The following RPTOR variants were observed in gnomAD, a reference collection of about 807,000 sequenced individuals.
The protein encoded by RPTOR is regulatory associated protein of MTOR complex 1.
Under a neutral mutation model 169.9 loss-of-function variants are expected in RPTOR, and 21 were observed. The ratio of observed to expected loss-of-function variants is 0.12; its 90% CI spans 0.09 to 0.18. RPTOR has a LOEUF of 0.18. Ranked by LOEUF, RPTOR falls within the 10% of genes least tolerant of loss-of-function variation. The pLI, the probability that RPTOR is intolerant of heterozygous loss-of-function variation, is 1.00. For missense variants in RPTOR, 1,133 were observed against 1,855.9 expected (o/e 0.61, Z 7.16); for synonymous variants, 732 against 753.2 (o/e 0.97, Z 0.46).
chr17:80,730,768 GTTT>G lies in RPTOR; in HGVS notation c.654+63_654+65del. On this transcript the variant is annotated intron_variant, in intron 5 of 33. Transcript: ENST00000306801. This position sits in a 1 kb window ranked among gnomAD's most constrained non-coding sequence, Gnocchi z 4.2. ...TGGTTTTGTTTTCCCTGGGGGTGGG[GTTT>G]GGGTGGGGAGGTTGGGAGGTGTTGG... 164 of 555,140 alleles carry G rather than the reference GTTT, an allele frequency of 3.0e-4. No homozygotes were observed. Among genetic ancestry groups the G allele is most frequent in the Non-Finnish European group, 5.0e-4 (152 of 302,568 alleles). The allele number at this position is 555,140 out of a possible 1,614,324, so 34.4% of individuals were successfully genotyped here.
chr17:80,565,240 A>G (rs1355331731), intron 1 of RPTOR, among the ~76,000 whole-genome samples: 11 of 152,242 alleles, frequency 7.2e-5, no homozygotes, highest in African/African-American at 2.4e-4. Context: ...AGATAATACT[A>G]GGAAGTGTCT....
At chr17:80,712,393 A>G (rs1364136347) in intron 4 of RPTOR, among the ~76,000 whole-genome samples, 1 of 152,128 alleles carries the variant, frequency 6.6e-6, no homozygotes, top group Non-Finnish European at 1.5e-5. Context: ...GGTCTTTTCC[A>G]GAATGTCCTA....
At chr17:80,598,915 T>C (rs1312080414) in intron 1 of RPTOR, among the ~76,000 whole-genome samples, 1 of 151,660 alleles carries the variant, frequency 6.6e-6, no homozygotes, top group Non-Finnish European at 1.5e-5. Context: ...TATCTATCTA[T>C]CTATCTATCT....
At chr17:80,657,534 T>C (rs2065689359) in intron 3 of RPTOR, among the ~76,000 whole-genome samples, 1 of 152,172 alleles carries the variant, frequency 6.6e-6, no homozygotes, top group Non-Finnish European at 1.5e-5. Context: ...ATATGTTGCT[T>C]TCATATTCCC....
intron 13 of RPTOR, among the ~76,000 whole-genome samples, chr17:80,863,091 G>T (rs572921728): frequency 3.9e-5 from 6 of 152,330 alleles, no homozygotes; most frequent in Non-Finnish European, 7.3e-5. Context: ...CCTTAAAGAA[G>T]GTGGGCTCGG....
chr17:80,561,206 G>C (rs1458112474), intron 1 of RPTOR, among the ~76,000 whole-genome samples: 1 of 141,292 alleles, frequency 7.1e-6, no homozygotes, highest in Non-Finnish European at 1.5e-5. Flanking sequence ...GAGTAGCTAT[G>C]ATTACAGGCA....
At chr17:80,670,492 C>T (rs1027644913) in intron 3 of RPTOR, among the ~76,000 whole-genome samples, 1 of 152,168 alleles carries the variant, frequency 6.6e-6, no homozygotes, top group African/African-American at 2.4e-5. Flanking sequence ...CCCGCTGCTT[C>T]GTCTTTTTCT....
At chr17:80,855,039 A>T (rs561984855) in intron 11 of RPTOR, among the ~76,000 whole-genome samples, 2 of 152,370 alleles carry the variant, frequency 1.3e-5, no homozygotes, top group South Asian at 4.1e-4. Flanking sequence ...GTCAGTACAT[A>T]CCTACTGATA....
At chr17:80,627,090 A>G (rs1329963113) in intron 2 of RPTOR, among the ~76,000 whole-genome samples, 1 of 152,122 alleles carries the variant, frequency 6.6e-6, no homozygotes, top group African/African-American at 2.4e-5. Context: ...AATGCCCCCA[A>G]AGTTCATCCA....
At chr17:80,618,115 G>C (rs2065326502) in intron 1 of RPTOR, among the ~76,000 whole-genome samples, 1 of 151,968 alleles carries the variant, frequency 6.6e-6, no homozygotes, top group East Asian at 1.9e-4. Context: ...CGAGTAGCTG[G>C]GACCATAAGT....
chr17:80,634,515 G>A (rs1466739574), intron 2 of RPTOR, among the ~76,000 whole-genome samples: 10 of 148,232 alleles, frequency 6.7e-5, no homozygotes, highest in African/African-American at 2.0e-4. Flanking sequence ...TACTGTGTGT[G>A]TGTGCGTACT....
At chr17:80,752,593 A>G (rs1259939928) in intron 5 of RPTOR, among the ~76,000 whole-genome samples, 1 of 152,136 alleles carries the variant, frequency 6.6e-6, no homozygotes, top group African/African-American at 2.4e-5. Context: ...CGACAGCAAA[A>G]CCTCTTGTGG....
intron 13 of RPTOR, among the ~76,000 whole-genome samples, chr17:80,876,221 G>A (rs71373046): frequency 1.0e-4 from 8 of 79,586 alleles, no homozygotes; most frequent in African/African-American, 1.8e-4. Flanking sequence ...CCCGTGCCAC[G>A]CAGGGTGTGT....
chr17:80,791,331 C>T (rs970209853), intron 6 of RPTOR, 119 bp from the exon 7 acceptor site: 9 of 741,212 alleles, frequency 1.2e-5, no homozygotes, highest in African/African-American at 1.1e-4. Flanking sequence ...TCTGAGTGTA[C>T]TTGTTCACCG....
chr17:80,937,798 G>A (rs2068972624), intron 24 of RPTOR, among the ~76,000 whole-genome samples: 2 of 152,198 alleles, frequency 1.3e-5, no homozygotes, highest in Non-Finnish European at 2.9e-5. Context: ...TAGTTTCCCA[G>A]GGTGGGTGCC....
At chr17:80,837,735 T>A (rs993618943) in intron 9 of RPTOR, among the ~76,000 whole-genome samples, 187 bp from the exon 10 acceptor site, 1 of 152,190 alleles carries the variant, frequency 6.6e-6, no homozygotes, top group African/African-American at 2.4e-5. Context: ...TGGCCTCCCC[T>A]CGGACGTCTT....
At chr17:80,923,914 C>T (rs2068779960) in intron 23 of RPTOR, 2 of 539,690 alleles carry the variant, frequency 3.7e-6, no homozygotes, top group Non-Finnish European at 6.4e-6. Context: ...CCTCTGCCTG[C>T]ACTCTTTAGG....
chr17:80,875,266 C>T (rs972365882), intron 13 of RPTOR, among the ~76,000 whole-genome samples: 1 of 152,224 alleles, frequency 6.6e-6, no homozygotes, highest in Non-Finnish European at 1.5e-5. Context: ...CCAGGGGCTC[C>T]TCCTGGTCTC....
intron 6 of RPTOR, among the ~76,000 whole-genome samples, chr17:80,787,120 A>C (rs954363994): frequency 2.6e-5 from 4 of 152,112 alleles, no homozygotes; most frequent in Admixed American, 6.5e-5. Context: ...CATCCCTTCC[A>C]TGCCCTTTCT....
Sources: gnomAD v4.1 joint callset for allele counts (sites outside exome capture counted in the v4.1 genomes callset) on GRCh38, gnomAD v4.1.1 for gene constraint, Gnocchi (gnomAD v3.1) non-coding constraint, MANE v1.5 for transcripts, NCBI Gene and HGNC (gene_info 2026-07-23, HGNC 2026-07-21) for gene names.